The following CDH1 variants were observed in gnomAD, a reference collection of about 807,000 sequenced individuals.
The protein encoded by CDH1 is cadherin-1.
CDH1 carries 35 observed loss-of-function variants against 84.5 expected under a neutral mutation model. That is an observed-to-expected ratio of 0.41 (90% CI 0.32 to 0.55). The LOEUF is 0.55. Among genes scored for constraint, CDH1 ranks in the 20% least tolerant of loss-of-function variants. The pLI is 0.19. For missense variants in CDH1, 994 were observed against 1,126.6 expected, an observed-to-expected ratio of 0.88 and a Z score of 1.68; for synonymous variants, 417 against 439.0, an observed-to-expected ratio of 0.95 and a Z score of 0.63.
chr16:68,810,133 G>C (rs1960777047), intron 5 of CDH1, 64 bp from the exon 6 acceptor site: 1 of 1,586,858 alleles, frequency 6.3e-7, no homozygotes, highest in Non-Finnish European at 8.6e-7. Context: ...TGCTCTGGCT[G>C]GGCCCCTTCT....
intron 2 of CDH1, among the ~76,000 whole-genome samples, chr16:68,799,455 A>C (rs977007664): frequency 8.5e-5 from 13 of 152,208 alleles, no homozygotes; most frequent in Non-Finnish European, 1.5e-4. Context: ...GCCAGGTAGC[A>C]GACTCCTAGC....
intron 2 of CDH1, among the ~76,000 whole-genome samples, chr16:68,757,580 G>T (rs1478668447): frequency 6.6e-6 from 1 of 152,112 alleles, no homozygotes; most frequent in Admixed American, 6.6e-5. Flanking sequence ...TTTTGACAGA[G>T]ATTTGACTCT....
At chr16:68,746,296 G>A (rs900018109) in intron 2 of CDH1, among the ~76,000 whole-genome samples, 2 of 152,050 alleles carry the variant, frequency 1.3e-5, no homozygotes, top group Non-Finnish European at 2.9e-5. Flanking sequence ...GTGGTGGCAT[G>A]CTCCTGTAAT....
intron 15 of CDH1, among the ~76,000 whole-genome samples, chr16:68,831,932 T>C (rs1379836353): frequency 6.6e-6 from 1 of 152,148 alleles, no homozygotes; most frequent in African/African-American, 2.4e-5. Context: ...TTATTTAAAC[T>C]ATAAAAATAG....
rs553907248 is a variant in CDH1, at chr16:68,819,282, A to G, written c.1568A>G (p.Tyr523Cys). ...AGCCAGAGCTTGTCCCCGTTCAGAT[A>G]TCGGATTTGGAGAGACACTGCCAAC... ...PDTFMEQKIT[Y>C]RIWRDTANWL... Residue 523 changes from tyrosine (Y) to cysteine (C), a missense_variant and splice_region_variant, in exon 11 of 16, where the codon TAT (tyrosine) becomes TGT (cysteine). This residue lies in a region of CDH1 where 769 missense variants were observed against 881.8 expected (regional missense o/e 0.87). Transcript: ENST00000261769. 2.6e-5 allele frequency: 42 copies of G among 1,614,228 alleles called. No individual in the cohort carries two copies. In the Admixed American group the frequency reaches 5.2e-4, roughly 20 times the overall value.
Position 68,737,401 on chromosome 16 carries a change from C to G in CDH1, c.-15C>G, listed in dbSNP as rs1567470692. ...GCACCCGGCGCCTGCCCTCGCTCGG[C>G]GTCCCCGGCCAGCCATGGGCCCTTG... On this transcript the variant is annotated 5_prime_UTR_variant, in exon 1 of 16. Transcript: ENST00000261769. 6.5e-7 allele frequency: 1 copy of G among 1,530,280 alleles called. No homozygotes were observed. Among genetic ancestry groups the G allele is most frequent in the East Asian group, 2.5e-5 (1 of 40,634 alleles). 94.8% of individuals were successfully genotyped at this position (1,530,280 alleles called of 1,614,324 possible).
chr16:68,808,524 G>C lies in CDH1; in HGVS notation c.488G>C (p.Cys163Ser), dbSNP rs748783182. ...KRDWVIPPIS[C>S]PENEKGPFPK... ...GACTGGGTTATTCCTCCCATCAGCT[G>C]CCCAGAAAATGAAAAAGGCCCATTT... The change falls in exon 4 of 16, where the codon TGC becomes TCC. Residue 163 changes from cysteine to serine, a missense_variant. Around this residue, in one of 3 missense-constraint regions of CDH1, gnomAD observed 22 missense variants for 50.8 expected, o/e 0.43. Coordinates refer to ENST00000261769, the MANE Select transcript of CDH1 (RefSeq NM_004360.5). The C allele has an allele frequency of 3.7e-5, 59 of 1,613,986 alleles. 1 individual carries two copies. The South Asian group carries it at 6.0e-4, about 17-fold the overall frequency.
intron 2 of CDH1, among the ~76,000 whole-genome samples, chr16:68,750,666 G>A (rs1199342546): frequency 2.6e-5 from 4 of 151,364 alleles, no homozygotes; most frequent in Non-Finnish European, 4.4e-5. Context: ...CTGATTCTGT[G>A]GTTTGGCATT....
At chr16:68,816,673 C>T (rs1960994213) in intron 10 of CDH1, among the ~76,000 whole-genome samples, 1 of 152,088 alleles carries the variant, frequency 6.6e-6, no homozygotes, top group South Asian at 2.1e-4. Flanking sequence ...CACTTGAACC[C>T]AAAAAGCTGA....
chr16:68,831,579 G>A lies in CDH1; in HGVS notation c.2440-1711G>A, dbSNP rs934696754. 2.7e-4 allele frequency among the ~76,000 whole-genome samples: 41 copies of A among 150,036 alleles called. 3 individuals carry two copies. Among genetic ancestry groups the A allele is most frequent in the Admixed American group, 1.9e-3 (29 of 15,008 alleles). ...TTTTTGAGACAGTTTCACTCTTGTC[G>A]CCCAGGCTGGAGTGCAGTGGCGTAA... On this transcript the variant is annotated intron_variant, in intron 15 of 15. Transcript: ENST00000261769.
At position 68,743,355 on chromosome 16, in the gene CDH1, C is replaced by CTTTAT. The variant is rs370518691; in HGVS notation, c.163+4947_163+4948insATTTT. Among the ~76,000 whole-genome samples the CTTTAT allele has an allele frequency of 7.6e-5, 2 of 26,174 alleles. 1 individual carries two copies. Among genetic ancestry groups the CTTTAT allele is most frequent in the African/African-American group, 2.7e-4 (2 of 7,444 alleles). 17.2% of individuals were successfully genotyped at this position (26,174 alleles called of 152,430 possible). Reference sequence around the variant, plus strand: ...TCTTTCTTTCTTTCTTTCTTTCTTTCTTTCTTTCTTTTCTTTTCTTTCTTT... The same window carrying CTTTAT: ...TCTTTCTTTCTTTCTTTCTTTCTTTCTTTATTTTCTTTCTTTTCTTTTCTTTCTTT... On this transcript the variant is annotated intron_variant, in intron 2 of 15. Transcript: ENST00000261769.
intron 2 of CDH1, among the ~76,000 whole-genome samples, chr16:68,766,074 A>G (rs1959372575): frequency 6.6e-6 from 1 of 152,126 alleles, no homozygotes; most frequent in African/African-American, 2.4e-5. Flanking sequence ...CCTGGCCAAC[A>G]TGGTGAAACC....
chr16:68,785,195 G>T (rs945497242), intron 2 of CDH1, among the ~76,000 whole-genome samples: 1 of 151,952 alleles, frequency 6.6e-6, no homozygotes, highest in Non-Finnish European at 1.5e-5. Flanking sequence ...ACAGAGTCTT[G>T]TTCTTTTTTT....
chr16:68,765,150 G>A (rs1959330705), intron 2 of CDH1: 1 of 152,052 alleles, frequency 6.6e-6, no homozygotes, highest in African/African-American at 2.4e-5. Context: ...TGAGAATTTT[G>A]GGGACTTTCC....
chr16:68,745,297 C>T (rs192244180), intron 2 of CDH1, among the ~76,000 whole-genome samples: 29 of 151,204 alleles, frequency 1.9e-4, no homozygotes, highest in East Asian at 9.8e-4. Context: ...GCCTGGGCAA[C>T]GTGGCGAGAC....
chr16:68,807,252 T>C (rs1167883330), intron 3 of CDH1, among the ~76,000 whole-genome samples: 4 of 152,204 alleles, frequency 2.6e-5, no homozygotes, highest in African/African-American at 9.6e-5. Flanking sequence ...ATGGAAACCA[T>C]ATAGACATAA....
Position 68,830,878 on chromosome 16 carries a change from A to G in CDH1, c.2439+1081A>G, listed in dbSNP as rs376036855. Among the ~76,000 whole-genome samples the G allele has an allele frequency of 5.1e-4, 77 of 152,222 alleles. 2 individuals are homozygous for G. In the South Asian group the frequency reaches 0.016, roughly 31 times the overall value. On this transcript the variant is annotated intron_variant, in intron 15 of 15. Coordinates refer to ENST00000261769, the MANE Select transcript of CDH1 (RefSeq NM_004360.5). ...TGCCTGTCTGCAAGGGAGAATAACAAGGCATTAAATTAATTAGCTTAGGAT... is the reference window on the plus strand; with the variant it reads ...TGCCTGTCTGCAAGGGAGAATAACAGGGCATTAAATTAATTAGCTTAGGAT...
At chr16:68,783,312 G>A (rs576934803) in intron 2 of CDH1, among the ~76,000 whole-genome samples, 28 of 149,932 alleles carry the variant, frequency 1.9e-4, no homozygotes, top group East Asian at 1.6e-3. Context: ...CACGAGAATC[G>A]CTTGAACCCA....
intron 3 of CDH1, among the ~76,000 whole-genome samples, chr16:68,803,903 G>C (rs1233562847): frequency 6.6e-6 from 1 of 152,030 alleles, no homozygotes; most frequent in Non-Finnish European, 1.5e-5. Flanking sequence ...TAGTCATCAA[G>C]AGCCCAGGTT....
Sources: gnomAD v4.1 joint callset for allele counts (sites outside exome capture counted in the v4.1 genomes callset) on GRCh38, gnomAD v4.1.1 for gene constraint, gnomAD v4.1.1 regional missense constraint, MANE v1.5 for transcripts, NCBI Gene and HGNC (gene_info 2026-07-23, HGNC 2026-07-21) for gene names.